MORC1: variants seen among roughly 807,000 people sequenced by gnomAD.
MORC1 encodes MORC family CW-type zinc finger 1.
A neutral mutation model predicts 134.9 loss-of-function variants in MORC1; 59 were observed. That is an observed-to-expected ratio of 0.44 (90% CI 0.35 to 0.54). The LOEUF (loss-of-function observed/expected upper bound fraction) is 0.54. Among genes scored for constraint, MORC1 ranks in the 20% least tolerant of loss-of-function variants. The pLI, the probability that MORC1 is intolerant of heterozygous loss-of-function variation, is 0.00. For synonymous variants in MORC1, 395 were observed against 391.7 expected (o/e 1.01, Z -0.10); for missense variants, 947 against 1,134.5 (o/e 0.83, Z 2.37).
At chr3:109,020,807 G>A (rs1948941651) in intron 17 of MORC1, among the ~76,000 whole-genome samples, 1 of 150,900 alleles carries the variant, frequency 6.6e-6, no homozygotes, top group Non-Finnish European at 1.5e-5. Flanking sequence ...CCAGCCTCCA[G>A]GAATTGAGAC....
At chr3:109,068,146 T>C (rs576881870) in intron 9 of MORC1, among the ~76,000 whole-genome samples, 2 of 152,322 alleles carry the variant, frequency 1.3e-5, no homozygotes, top group Admixed American at 6.5e-5. Context: ...ATAAGTAGTG[T>C]ACACAAATTA....
chr3:109,031,021 C>G (rs1949229684), intron 16 of MORC1, among the ~76,000 whole-genome samples: 1 of 152,140 alleles, frequency 6.6e-6, no homozygotes, highest in African/African-American at 2.4e-5. Flanking sequence ...AGAATTAATA[C>G]AGCTTTGAAA....
At chr3:109,008,509 T>C (rs2107542608) in intron 17 of MORC1, among the ~76,000 whole-genome samples, 1 of 151,746 alleles carries the variant, frequency 6.6e-6, no homozygotes, top group East Asian at 1.9e-4. Context: ...TAGGTATCCC[T>C]GAGCTGAGAG....
chr3:109,066,288 CT>C (rs377008017), intron 9 of MORC1, among the ~76,000 whole-genome samples: 121 of 144,200 alleles, frequency 8.4e-4, no homozygotes, highest in East Asian at 1.2e-3. Flanking sequence ...CTCTTTTTTT[CT>C]TTTTTTTTTT....
intron 21 of MORC1, among the ~76,000 whole-genome samples, chr3:108,996,276 G>GACACACACA (rs1553745289): frequency 2.6e-5 from 2 of 76,902 alleles, no homozygotes; most frequent in Non-Finnish European, 6.4e-5. Context: ...GCGCGTGCGT[G>GACACACACA]CGCGCGCGCG....
intron 20 of MORC1, 70 bp downstream of exon 20, chr3:109,004,747 C>T (rs1244874186): frequency 7.0e-7 from 1 of 1,433,100 alleles, no homozygotes; most frequent in Non-Finnish European, 9.6e-7. Context: ...GAATGCAAAA[C>T]TTAAAGATTA....
intron 24 of MORC1, among the ~76,000 whole-genome samples, chr3:108,977,935 T>G (rs1947607357): frequency 3.9e-5 from 6 of 152,278 alleles, no homozygotes; most frequent in Middle Eastern, 3.4e-3. Flanking sequence ...TGGAGTGCAG[T>G]GGCGCGATCT....
intron 17 of MORC1, among the ~76,000 whole-genome samples, chr3:109,019,978 T>A (rs1037548167): frequency 2.0e-5 from 3 of 152,214 alleles, no homozygotes; most frequent in Non-Finnish European, 4.4e-5. Flanking sequence ...GACCACATGG[T>A]ATAATACATG....
intron 14 of MORC1, 77 bp downstream of exon 14, chr3:109,054,651 T>C (rs1272886358): frequency 7.9e-7 from 1 of 1,272,294 alleles, no homozygotes; most frequent in African/African-American, 1.6e-5. Flanking sequence ...TGAATTCAGA[T>C]AATCATGTCA....
At chr3:109,061,260 A>G (rs1950075775) in intron 11 of MORC1, among the ~76,000 whole-genome samples, 1 of 152,210 alleles carries the variant, frequency 6.6e-6, no homozygotes, top group Non-Finnish European at 1.5e-5. Flanking sequence ...ATGTAAGCAA[A>G]TAAATATGTT....
rs542874155 is a variant in MORC1 at position 109,077,073 on chromosome 3, C to CT, written c.690-7317dup. On this transcript the variant is annotated intron_variant, in intron 8 of 27. Transcript: ENST00000232603. ...TGGTAATCACATTTCTATCAGACTT[C>CT]TGATCAACAACATGTATTCAAGAAG... 2.6e-5 allele frequency among the ~76,000 whole-genome samples: 4 copies of CT among 151,880 alleles called. No individual in the cohort carries two copies. In the South Asian group the frequency reaches 8.3e-4, roughly 32 times the overall value.
chr3:109,031,887 C>T (rs1949249246), intron 16 of MORC1, among the ~76,000 whole-genome samples: 2 of 152,168 alleles, frequency 1.3e-5, no homozygotes, highest in Admixed American at 1.3e-4. Context: ...TACGAAAAAA[C>T]CTGGGCCATG....
intron 18 of MORC1, among the ~76,000 whole-genome samples, chr3:109,005,576 T>C (rs1948519135): frequency 6.6e-6 from 1 of 152,206 alleles, no homozygotes. Flanking sequence ...GAGAACATAC[T>C]GTGCATTCTG....
At chr3:109,014,162 A>G (rs1208238271) in intron 17 of MORC1, among the ~76,000 whole-genome samples, 2 of 152,330 alleles carry the variant, frequency 1.3e-5, no homozygotes, top group Non-Finnish European at 2.9e-5. Flanking sequence ...AAAATGGGGA[A>G]ATGCTAAATC....
At chr3:109,018,568 A>C (rs1397980284) in intron 17 of MORC1, among the ~76,000 whole-genome samples, 7 of 152,132 alleles carry the variant, frequency 4.6e-5, no homozygotes, top group African/African-American at 1.7e-4. Flanking sequence ...GGTGGTTGCC[A>C]CTCTCATACA....
At chr3:109,086,014 C>T (rs1005776393) in intron 8 of MORC1, among the ~76,000 whole-genome samples, 2 of 152,022 alleles carry the variant, frequency 1.3e-5, no homozygotes, top group Admixed American at 1.3e-4. Context: ...ATAACATGTT[C>T]TCATTCATAT....
chr3:109,043,003 C>T (rs1174677606), intron 14 of MORC1, among the ~76,000 whole-genome samples: 1 of 151,864 alleles, frequency 6.6e-6, no homozygotes, highest in Admixed American at 6.6e-5. Context: ...ATCTATTGTA[C>T]ATCATTGTGA....
chr3:108,985,475 A>T (rs1008851758), intron 22 of MORC1, among the ~76,000 whole-genome samples: 1 of 152,206 alleles, frequency 6.6e-6, no homozygotes, highest in Non-Finnish European at 1.5e-5. Context: ...GTTTAGGGTT[A>T]TTGAAGGCTA....
chr3:109,093,735 T>C (rs921547166), intron 7 of MORC1, among the ~76,000 whole-genome samples, 194 bp from the exon 8 acceptor site: 1 of 152,128 alleles, frequency 6.6e-6, no homozygotes, highest in Non-Finnish European at 1.5e-5. Context: ...TGCCAAAGAG[T>C]GCTGAGTTTC....
Sources: allele counts gnomAD v4.1 joint callset (sites outside exome capture counted in the v4.1 genomes callset), GRCh38; gene constraint gnomAD v4.1.1; transcripts MANE v1.5; gene names NCBI Gene and HGNC (gene_info 2026-07-23, HGNC 2026-07-21).